PPP1R13L: variants seen among roughly 807,000 people sequenced by gnomAD.
PPP1R13L encodes the protein relA-associated inhibitor.
Under a neutral mutation model 80.9 loss-of-function variants are expected in PPP1R13L, and 50 were observed. That is an observed-to-expected ratio of 0.62 (90% CI 0.49 to 0.78). The LOEUF (loss-of-function observed/expected upper bound fraction) is 0.78, where lower values mean the gene tolerates loss of function less well. Ranked by LOEUF, PPP1R13L falls within the 30% of genes least tolerant of loss-of-function variation. The pLI, the probability that PPP1R13L is intolerant of heterozygous loss-of-function variation, is 0.00. For synonymous variants in PPP1R13L, 602 were observed against 534.3 expected, an observed-to-expected ratio of 1.13 and a Z score of -1.75; for missense variants, 1,200 against 1,205.9, an observed-to-expected ratio of 1.00 and a Z score of 0.07.
chr19:45,399,213 G>C (rs1034402742), intron 1 of PPP1R13L, among the ~76,000 whole-genome samples: 3 of 151,304 alleles, frequency 2.0e-5, no homozygotes, highest in East Asian at 3.9e-4. Context: ...AAAGTGCTGG[G>C]ATTACAGGCG....
chr19:45,404,590 G>C (rs1973292930), intron 1 of PPP1R13L, among the ~76,000 whole-genome samples: 1 of 152,152 alleles, frequency 6.6e-6, no homozygotes, highest in South Asian at 2.1e-4. Context: ...AGACCTAGAA[G>C]ATCGGTCGAG....
At chr19:45,381,803 G>A (rs747647320) in intron 12 of PPP1R13L, among the ~76,000 whole-genome samples, 2 of 151,794 alleles carry the variant, frequency 1.3e-5, no homozygotes, top group African/African-American at 2.4e-5. Context: ...AGCCGTGCGT[G>A]GTGGCATGCG....
At chr19:45,382,165 C>T (rs974444577) in intron 12 of PPP1R13L, among the ~76,000 whole-genome samples, 3 of 151,842 alleles carry the variant, frequency 2.0e-5, no homozygotes, top group Non-Finnish European at 4.4e-5. Flanking sequence ...TGGGGGGGGC[C>T]CGAGGTTGCA....
rs529053513 is a variant in PPP1R13L, at chr19:45,404,371, C to CA, written c.-22+627dup. 3.3e-5 allele frequency among the ~76,000 whole-genome samples: 5 copies of CA among 152,278 alleles called. No homozygotes were observed. In the South Asian group the frequency reaches 1.0e-3, roughly 32 times the overall value. ...TCTCTGGTTAGGCAGGTCTGACGCC[C>CA]AGGTTAATGACATGTTGGGTTCGCT... On this transcript the variant is annotated intron_variant, in intron 1 of 12. Coordinates refer to ENST00000360957, the MANE Select transcript of PPP1R13L (RefSeq NM_006663.4).
chr19:45,404,460 C>G (rs1973289915), intron 1 of PPP1R13L, among the ~76,000 whole-genome samples: 1 of 152,188 alleles, frequency 6.6e-6, no homozygotes, highest in African/African-American at 2.4e-5. Flanking sequence ...CCCCCATCCC[C>G]GAGCCGAAAA....
rs190858309 is a variant in PPP1R13L, at chr19:45,396,505, C to T, written c.712+40G>A. The T allele has an allele frequency of 1.2e-4, 189 of 1,604,514 alleles. 1 individual carries two copies. The African/African-American group carries it at 1.9e-3, about 16-fold the overall frequency. On this transcript the variant is annotated intron_variant, in intron 4 of 12. Transcript: ENST00000360957. This position sits in a 1 kb window ranked among gnomAD's most constrained non-coding sequence, Gnocchi z 5.3. ...AGCCCCGGATCCTGCCCGCTTTGAC[C>T]CCGCGAGTCAAAGGCCCCGCGAGGG... is the stretch of plus-strand genomic sequence containing the variant.
rs34631405 is a variant in PPP1R13L, at chr19:45,385,550, C to T, written c.2248+12G>A. On this transcript the variant is annotated intron_variant, in intron 11 of 12. Coordinates refer to ENST00000360957, the MANE Select transcript of PPP1R13L (RefSeq NM_006663.4). The stretch of plus-strand genomic sequence containing the variant: ...CGCCAGGTACCCAGGCGCCAGCAGC[C>T]CTGCCTCGCACCTGCCAGGTAGGTG... The T allele has an allele frequency of 0.017, 27,772 of 1,604,956 alleles. 301 individuals are homozygous for T. Among genetic ancestry groups the T allele is most frequent in the Non-Finnish European group, 0.02 (24,030 of 1,174,802 alleles).
chr19:45,400,265 C>A (rs1217959747), intron 1 of PPP1R13L, among the ~76,000 whole-genome samples: 2 of 151,856 alleles, frequency 1.3e-5, no homozygotes, highest in Non-Finnish European at 2.9e-5. Flanking sequence ...AGGGAGGTGG[C>A]CAGGGGTGGA....
chr19:45,397,378 CTTTT>C (rs1227118332), intron 3 of PPP1R13L, among the ~76,000 whole-genome samples: 2 of 150,786 alleles, frequency 1.3e-5, no homozygotes, highest in South Asian at 2.1e-4. Flanking sequence ...CTCTCTCTTT[CTTTT>C]CTTTCTTTCT....
intron 11 of PPP1R13L, among the ~76,000 whole-genome samples, chr19:45,384,025 C>T (rs548040644): frequency 9.9e-5 from 15 of 152,014 alleles, no homozygotes; most frequent in African/African-American, 3.6e-4. Context: ...TCGAGCCTCC[C>T]AAAGTGCTAG....
Position 45,382,674 on chromosome 19 carries a change from C to A in PPP1R13L, c.2301G>T (p.Trp767Cys). 6.2e-7 allele frequency: 1 copy of A among 1,614,034 alleles called. No individual in the cohort carries two copies. The highest frequency in any genetic ancestry group is 1.1e-5 in the South Asian group (1 of 91,086). ...LMNSGAVYAL[W>C]DYSAEFGDEL... The stretch of plus-strand genomic sequence containing the variant: ...CGTCCCCGAACTCGGCGCTGTAGTC[C>A]CAGAGAGCGTACACTGCCCCGCTGT... The change falls in exon 12 of 13, where the codon TGG (tryptophan) becomes TGT (cysteine). Residue 767 changes from tryptophan (W) to cysteine (C), a missense_variant. Trp to Cys is a radical substitution (Grantham distance 215, BLOSUM62 -2). Around this residue, in one of 5 missense-constraint regions of PPP1R13L, gnomAD observed 165 missense variants for 177.1 expected, o/e 0.93. Coordinates refer to ENST00000360957, the MANE Select transcript of PPP1R13L (RefSeq NM_006663.4).
chr19:45,384,481 G>A (rs1972829212), intron 11 of PPP1R13L, among the ~76,000 whole-genome samples: 1 of 152,020 alleles, frequency 6.6e-6, no homozygotes, highest in African/African-American at 2.4e-5. Flanking sequence ...GTTGTAGTGG[G>A]CTATGGTGCC....
At position 45,385,631 on chromosome 19, in the gene PPP1R13L, C is replaced by T. The variant is rs748797570; in HGVS notation, c.2179G>A (p.Gly727Ser). Reference protein sequence around the residue: ...AAIFATTLSDGATAFEKCDPY... With the variant: ...AAIFATTLSDSATAFEKCDPY... Reference sequence around the variant, plus strand: ...TCGCACTTCTCGAAGGCGGTGGCGCCGTCGCTGAGCGTGGTGGCGAAGATT... The same window carrying T: ...TCGCACTTCTCGAAGGCGGTGGCGCTGTCGCTGAGCGTGGTGGCGAAGATT... The change falls in exon 11 of 13, where the codon GGC becomes AGC. Residue 727 changes from glycine to serine, a missense_variant. By Grantham distance (56) the Gly-to-Ser change is moderately conservative. This residue lies in a region of PPP1R13L where 165 missense variants were observed against 177.1 expected (regional missense o/e 0.93). Transcript: ENST00000360957. The T allele has an allele frequency of 1.9e-6, 3 of 1,613,032 alleles. No individual in the cohort carries two copies. Among genetic ancestry groups the T allele is most frequent in the Non-Finnish European group, 2.5e-6 (3 of 1,179,908 alleles).
rs34843313 is a variant in PPP1R13L at position 45,396,567 on chromosome 19, G to T, written c.690C>A (p.Phe230Leu). ...SSLLGSGGSA[F>L]APPLRAQDDL... Reference sequence around the variant, plus strand: ...CACCTTGCGCGCGCAGAGGCGGGGCGAATGCGCTGCCGCCGGAGCCTAGCA... The same window carrying T: ...CACCTTGCGCGCGCAGAGGCGGGGCTAATGCGCTGCCGCCGGAGCCTAGCA... The change falls in exon 4 of 13, where the codon TTC becomes TTA. Residue 230 changes from phenylalanine to leucine, a missense_variant. Coordinates refer to ENST00000360957, the MANE Select transcript of PPP1R13L (RefSeq NM_006663.4). The surrounding 1 kb of genome is among the most constrained non-coding windows in gnomAD (Gnocchi z 5.3). 1 of 1,515,852 alleles carries T rather than the reference G, an allele frequency of 6.6e-7. No homozygotes were observed. Among genetic ancestry groups the T allele is most frequent in the Admixed American group, 2.2e-5 (1 of 46,462 alleles). 93.9% of individuals were successfully genotyped at this position (1,515,852 alleles called of 1,614,324 possible). A position where few individuals can be genotyped will look rare whatever the true frequency, so the allele number is the denominator to read the frequency against.
chr19:45,390,696 G>T (rs952899199), intron 8 of PPP1R13L, among the ~76,000 whole-genome samples: 1 of 152,052 alleles, frequency 6.6e-6, no homozygotes, highest in Non-Finnish European at 1.5e-5. Context: ...GAGGAGTTTT[G>T]TCTGTGGCTC....
intron 1 of PPP1R13L, chr19:45,402,243 TC>T (rs1454637865): frequency 1.3e-5 from 2 of 150,622 alleles, no homozygotes; most frequent in Admixed American, 6.6e-5. Context: ...TGTAAGTGAC[TC>T]TTTTTTTTTC....
Position 45,395,646 on chromosome 19 carries a change from A to C in PPP1R13L, c.1144T>G (p.Phe382Val). ...GCGCGGCTGGCCCCGTGCTCCCAGA[A>C]GGCGTTCTGCAGCTTGAAGATCATG... ...LSMIFKLQNA[F>V]WEHGASRAML... The change falls in exon 7 of 13, where the codon TTC (phenylalanine) becomes GTC (valine). Residue 382 changes from phenylalanine (F) to valine (V), a missense_variant. By Grantham distance (50) the Phe-to-Val change is conservative. Coordinates refer to ENST00000360957, the MANE Select transcript of PPP1R13L (RefSeq NM_006663.4). 3 of 1,426,734 alleles carry C rather than the reference A, an allele frequency of 2.1e-6. No homozygotes were observed. Among genetic ancestry groups the C allele is most frequent in the Non-Finnish European group, 2.7e-6 (3 of 1,098,038 alleles). 88.4% of individuals were successfully genotyped at this position (1,426,734 alleles called of 1,614,324 possible). A position where few individuals can be genotyped will look rare whatever the true frequency, so the allele number is the denominator to read the frequency against.
Position 45,396,924 on chromosome 19 carries a change from C to A in PPP1R13L, c.333G>T (p.Pro111=), listed in dbSNP as rs368212605. ...ESAPTLHPYS[P]LSPKGRPSSP... is the part of the protein sequence containing the mutation. ...ACGACGGCCGTCCCTTGGGGGACAG[C>A]GGGCTGTAGGGGTGTAGGGTTGGGG... Residue 111 remains proline (P), a synonymous_variant, in exon 4 of 13, where the codon CCG becomes CCT. Transcript: ENST00000360957. This position sits in a 1 kb window ranked among gnomAD's most constrained non-coding sequence, Gnocchi z 5.3. The A allele has an allele frequency of 6.7e-6, 10 of 1,488,844 alleles. No individual in the cohort carries two copies. In the African/African-American group the frequency reaches 1.3e-4, roughly 20 times the overall value. 92.2% of individuals were successfully genotyped at this position (1,488,844 alleles called of 1,614,324 possible). A position where few individuals can be genotyped will look rare whatever the true frequency, so the allele number is the denominator to read the frequency against.
chr19:45,380,527 C>A (rs1972741867), intron 12 of PPP1R13L, among the ~76,000 whole-genome samples: 1 of 152,022 alleles, frequency 6.6e-6, no homozygotes, highest in Admixed American at 6.6e-5. Context: ...AAAAAATCTC[C>A]TCTCTCAGGG....
Sources: gnomAD v4.1 joint callset for allele counts (sites outside exome capture counted in the v4.1 genomes callset) on GRCh38, gnomAD v4.1.1 for gene constraint, gnomAD v4.1.1 regional missense constraint, Gnocchi (gnomAD v3.1) non-coding constraint, MANE v1.5 for transcripts, NCBI Gene and HGNC (gene_info 2026-07-23, HGNC 2026-07-21) for gene names.